The following DPYD variants were observed in gnomAD, a reference collection of about 807,000 sequenced individuals.
DPYD encodes dihydropyrimidine dehydrogenase, also known as dihydropyrimidine dehydrogenase [NADP(+)].
Under a neutral mutation model 116.2 loss-of-function variants are expected in DPYD, and 109 were observed. The ratio of observed to expected loss-of-function variants is 0.94; its 90% CI spans 0.80 to 1.10. DPYD has a LOEUF of 1.10. Ranked by LOEUF, DPYD falls within the 50% of genes least tolerant of loss-of-function variation. The probability of loss-of-function intolerance (pLI) is 0.00; values close to 1 mark genes in which losing one functional copy is unlikely to be tolerated. For missense variants in DPYD, 1,302 were observed against 1,254.5 expected, an observed-to-expected ratio of 1.04 and a Z score of -0.57; for synonymous variants, 440 against 432.0, an observed-to-expected ratio of 1.02 and a Z score of -0.23.
chr1:97,679,221 A>G, intron 7 of DPYD, 39 bp from the exon 8 acceptor site: 2 of 1,122,920 alleles, frequency 1.8e-6, no homozygotes, highest in Non-Finnish European at 2.6e-6. Context: ...AATTTGGCAT[A>G]TGATTAATTA....
chr1:97,890,814 GATC>G (rs1387653550), intron 1 of DPYD, among the ~76,000 whole-genome samples: 1 of 151,872 alleles, frequency 6.6e-6, no homozygotes, highest in Non-Finnish European at 1.5e-5. Flanking sequence ...TGTGATAAAT[GATC>G]ATGTTTATCT....
intron 11 of DPYD, among the ~76,000 whole-genome samples, chr1:97,552,493 G>GTGAATT (rs1651398824): frequency 6.6e-6 from 1 of 151,920 alleles, no homozygotes; most frequent in Non-Finnish European, 1.5e-5. Flanking sequence ...CACCCTAGGG[G>GTGAATT]CATTTATTTG....
chr1:97,802,779 T>C (rs1667905980), intron 3 of DPYD, among the ~76,000 whole-genome samples: 1 of 151,852 alleles, frequency 6.6e-6, no homozygotes, highest in African/African-American at 2.4e-5. Flanking sequence ...CAATCCTTTT[T>C]CTCCTATGCT....
chr1:97,202,853 T>C (rs191076625), intron 19 of DPYD, among the ~76,000 whole-genome samples: 2 of 152,182 alleles, frequency 1.3e-5, no homozygotes, highest in African/African-American at 2.4e-5. Context: ...CTGCCTTTTA[T>C]GTGACACTAG....
chr1:97,595,005 A>ATTGATAT, intron 9 of DPYD, 54 bp downstream of exon 9: 1 of 1,351,350 alleles, frequency 7.4e-7, no homozygotes, highest in African/African-American at 1.4e-5. Context: ...ATATTAATTT[A>ATTGATAT]TCATAAATAA....
chr1:97,559,459 G>T (rs2102127474), intron 11 of DPYD, among the ~76,000 whole-genome samples: 1 of 152,218 alleles, frequency 6.6e-6, no homozygotes, highest in Admixed American at 6.5e-5. Flanking sequence ...GACTAATTAT[G>T]TATCCATGTA....
chr1:97,344,690 T>C (rs1408034456), intron 16 of DPYD, among the ~76,000 whole-genome samples: 2 of 152,042 alleles, frequency 1.3e-5, no homozygotes, highest in Middle Eastern at 3.4e-3. Flanking sequence ...CTGTTTTTTA[T>C]AGTGACAGAG....
At chr1:97,595,002 T>A (rs1327821964) in intron 9 of DPYD, 57 bp downstream of exon 9, 7 of 1,356,712 alleles carry the variant, frequency 5.2e-6, no homozygotes, top group Non-Finnish European at 7.3e-6. Flanking sequence ...TTGATATTAA[T>A]TTATCATAAA....
At chr1:97,638,036 A>G (rs1657671262) in intron 8 of DPYD, among the ~76,000 whole-genome samples, 1 of 152,142 alleles carries the variant, frequency 6.6e-6, no homozygotes, top group Admixed American at 6.5e-5. Context: ...ATGTAACATT[A>G]AATATTAATG....
At position 97,203,671 on chromosome 1, in the gene DPYD, C is replaced by T. The variant is rs1254410145; in HGVS notation, c.2443-10423G>A. 6.8e-5 allele frequency among the ~76,000 whole-genome samples: 4 copies of T among 58,534 alleles called. 1 individual carries two copies. The highest frequency in any genetic ancestry group is 2.0e-4 in the African/African-American group (3 of 15,314). 38.4% of individuals were successfully genotyped at this position (58,534 alleles called of 152,430 possible). A position where few individuals can be genotyped will look rare whatever the true frequency, so the allele number is the denominator to read the frequency against. On this transcript the variant is annotated intron_variant, in intron 19 of 22. Coordinates refer to ENST00000370192, the MANE Select transcript of DPYD (RefSeq NM_000110.4). Reference sequence around the variant, plus strand: ...TAAAGGATGAGTTCAGACCCCCCCCCCCCAAAAAAAAAAAAAGAGAAAAAG... The same window carrying T: ...TAAAGGATGAGTTCAGACCCCCCCCTCCCAAAAAAAAAAAAAGAGAAAAAG...
At chr1:97,580,115 G>T (rs973214757) in intron 10 of DPYD, among the ~76,000 whole-genome samples, 6 of 152,154 alleles carry the variant, frequency 3.9e-5, no homozygotes, top group African/African-American at 1.4e-4. Context: ...CTTTTAGATT[G>T]CACATAGGCA....
intron 20 of DPYD, among the ~76,000 whole-genome samples, chr1:97,185,046 G>T (rs1468840662): frequency 1.3e-5 from 2 of 152,074 alleles, no homozygotes; most frequent in Non-Finnish European, 2.9e-5. Context: ...TTCTATTAAT[G>T]AATTGCTGAA....
chr1:97,799,155 G>C (rs184543388), intron 3 of DPYD, among the ~76,000 whole-genome samples: 1 of 152,006 alleles, frequency 6.6e-6, no homozygotes, highest in East Asian at 1.9e-4. Context: ...GGCCAAGCTT[G>C]TTCCTATATC....
chr1:97,118,214 C>T (rs1313073576), intron 20 of DPYD, among the ~76,000 whole-genome samples: 1 of 152,028 alleles, frequency 6.6e-6, no homozygotes, highest in Non-Finnish European at 1.5e-5. Flanking sequence ...AGTGACATCC[C>T]TTAGAGGCCA....
intron 12 of DPYD, among the ~76,000 whole-genome samples, chr1:97,529,653 C>T (rs1282725209): frequency 6.6e-6 from 1 of 151,742 alleles, no homozygotes; most frequent in Admixed American, 6.6e-5. Flanking sequence ...TACTTTATCC[C>T]TTCCTTTTTT....
chr1:97,824,051 T>A (rs1413620132), intron 3 of DPYD, among the ~76,000 whole-genome samples: 1 of 152,114 alleles, frequency 6.6e-6, no homozygotes, highest in Non-Finnish European at 1.5e-5. Context: ...ACTATTTGTT[T>A]TAAATAACAC....
intron 5 of DPYD, among the ~76,000 whole-genome samples, chr1:97,705,532 A>G (rs940938876): frequency 2.0e-5 from 3 of 151,818 alleles, no homozygotes; most frequent in African/African-American, 7.3e-5. Flanking sequence ...CCAGTCTATC[A>G]TTGTTGGACA....
At chr1:97,707,120 G>A (rs61790062) in intron 5 of DPYD, among the ~76,000 whole-genome samples, 6 of 151,826 alleles carry the variant, frequency 4.0e-5, no homozygotes, top group Admixed American at 6.6e-5. Flanking sequence ...GAAAGGTGGG[G>A]TTTTTAAAAA....
At chr1:97,525,252 T>C (rs960275906) in intron 12 of DPYD, among the ~76,000 whole-genome samples, 15 of 152,118 alleles carry the variant, frequency 9.9e-5, no homozygotes, top group African/African-American at 3.4e-4. Flanking sequence ...GGTGAGTGAT[T>C]GTGGTGATGG....
Sources: allele counts gnomAD v4.1 joint callset (sites outside exome capture counted in the v4.1 genomes callset), GRCh38; gene constraint gnomAD v4.1.1; transcripts MANE v1.5; gene names NCBI Gene and HGNC (gene_info 2026-07-23, HGNC 2026-07-21).